Variants in CCDC146 observed in about 807,000 individuals in gnomAD.
CCDC146 encodes the protein coiled-coil domain containing 146.
In CCDC146, 92 loss-of-function variants were observed where a neutral mutation model predicts 119.3. That is an observed-to-expected ratio of 0.77 (90% confidence interval 0.65 to 0.92). CCDC146 has a LOEUF of 0.92. CCDC146 is among the 40% of genes least tolerant of loss of function. The probability of loss-of-function intolerance (pLI) is 0.00; values close to 1 mark genes in which losing one functional copy is unlikely to be tolerated. For missense variants in CCDC146, 1,000 were observed against 1,103.0 expected, an observed-to-expected ratio of 0.91 and a Z score of 1.32; for synonymous variants, 372 against 371.8, an observed-to-expected ratio of 1.00 and a Z score of -0.01.
Position 77,196,026 on chromosome 7 carries a change from T to G in CCDC146, c.156+28202T>G, listed in dbSNP as rs1791862279. Reference sequence around the variant, plus strand: ...AAGTTTCAATAGAAATTAAAAGAATTGTAAATCTAATGTATAATTCTCAAT... The same window carrying G: ...AAGTTTCAATAGAAATTAAAAGAATGGTAAATCTAATGTATAATTCTCAAT... On this transcript the variant is annotated intron_variant, in intron 2 of 18. Coordinates refer to ENST00000285871, the MANE Select transcript of CCDC146 (RefSeq NM_020879.3). The surrounding 1 kb of genome is among the most constrained non-coding windows in gnomAD (Gnocchi z 4.2). 1 of 404,752 alleles carries G rather than the reference T, an allele frequency of 2.5e-6. No individual in the cohort carries two copies. The highest frequency in any genetic ancestry group is 4.0e-5 in the Admixed American group (1 of 24,694). The allele number at this position is 404,752 out of a possible 1,614,324, so 25.1% of individuals were successfully genotyped here.
chr7:77,236,927 C>A lies in CCDC146; in HGVS notation c.157-20C>A, dbSNP rs1792746884. 6.3e-7 allele frequency: 1 copy of A among 1,583,544 alleles called. No homozygotes were observed. Among genetic ancestry groups the A allele is most frequent in the Non-Finnish European group, 8.7e-7 (1 of 1,152,244 alleles). On this transcript the variant is annotated intron_variant, in intron 2 of 18. Coordinates refer to ENST00000285871, the MANE Select transcript of CCDC146 (RefSeq NM_020879.3). ...TAAAGAGAATGGTGATTAACAGTGACCTTATGTTCTCTTTGCTAGTTACAT... is the reference window on the plus strand; with the variant it reads ...TAAAGAGAATGGTGATTAACAGTGAACTTATGTTCTCTTTGCTAGTTACAT...
intron 2 of CCDC146, among the ~76,000 whole-genome samples, chr7:77,236,251 A>G (rs951132270): frequency 6.6e-6 from 1 of 152,206 alleles, no homozygotes; most frequent in Non-Finnish European, 1.5e-5. Context: ...GATGTCTGTT[A>G]ACTAATTATC....
intron 1 of CCDC146, among the ~76,000 whole-genome samples, chr7:77,161,860 A>G (rs1791268148): frequency 1.4e-5 from 2 of 148,104 alleles, no homozygotes; most frequent in South Asian, 4.2e-4. Flanking sequence ...GTGAGGCGAC[A>G]TCTTATTGTG....
At chr7:77,206,654 T>A (rs1023899794) in intron 2 of CCDC146, among the ~76,000 whole-genome samples, 13 of 54,954 alleles carry the variant, frequency 2.4e-4, no homozygotes, top group African/African-American at 1.9e-3. Context: ...CATACATATA[T>A]ATATATATAT....
intron 4 of CCDC146, among the ~76,000 whole-genome samples, chr7:77,243,718 C>A (rs1322754758): frequency 6.6e-6 from 1 of 152,186 alleles, no homozygotes; most frequent in African/African-American, 2.4e-5. Context: ...TCAGGCAGGT[C>A]CTTCAGGAGG....
At chr7:77,202,246 T>C (rs543114628) in intron 2 of CCDC146, among the ~76,000 whole-genome samples, 2 of 152,366 alleles carry the variant, frequency 1.3e-5, no homozygotes, top group African/African-American at 4.8e-5. Context: ...CAAAAATCCC[T>C]TTTTCCTTCT....
At chr7:77,261,931 T>A (rs1793307519) in intron 8 of CCDC146, among the ~76,000 whole-genome samples, 190 bp from the exon 9 acceptor site, 1 of 152,258 alleles carries the variant, frequency 6.6e-6, no homozygotes, top group Non-Finnish European at 1.5e-5. Flanking sequence ...CTTTAGGATA[T>A]AACAGTTTAT....
intron 4 of CCDC146, chr7:77,246,497 G>A (rs1041712263): frequency 2.6e-5 from 4 of 152,124 alleles, no homozygotes; most frequent in African/African-American, 9.7e-5. Context: ...GCTGAAAAAT[G>A]TCAGATTTAA....
intron 2 of CCDC146, among the ~76,000 whole-genome samples, chr7:77,224,886 C>T (rs1223458992): frequency 6.6e-6 from 1 of 152,116 alleles, no homozygotes; most frequent in Admixed American, 6.5e-5. Flanking sequence ...TTATAGTGTA[C>T]TGGCAGTCTG....
chr7:77,274,539 A>C lies in CCDC146; in HGVS notation c.1327A>C (p.Lys443Gln), dbSNP rs780372624. The change falls in exon 11 of 19, where the codon AAG becomes CAG. Residue 443 changes from lysine (K) to glutamine (Q), a missense_variant. Around this residue, in one of 2 missense-constraint regions of CCDC146, gnomAD observed 985 missense variants for 1,045.3 expected, o/e 0.94. Transcript: ENST00000285871. ...AGAACAACAACTTGCAGAAGAAAAC[A>C]AGCTTTTAAAGGAGCAAGAAAACAT... ...LVEQQLAEEN[K>Q]LLKEQENMKE... 1.2e-6 allele frequency: 2 copies of C among 1,611,392 alleles called. No individual in the cohort carries two copies. Among genetic ancestry groups the C allele is most frequent in the African/African-American group, 1.3e-5 (1 of 74,804 alleles).
In CCDC146 at chr7:77,178,946, A is replaced by G. The variant is rs190787906; in HGVS notation, c.156+11122A>G. ...ACCTTTTTCAACAAAAAATGTATTA[A>G]TATATAGGTAGAGAGAGGGTACTGT... On this transcript the variant is annotated intron_variant, in intron 2 of 18. Transcript: ENST00000285871. 4.3e-4 allele frequency among the ~76,000 whole-genome samples: 66 copies of G among 152,294 alleles called. No individual in the cohort carries two copies. In the Middle Eastern group the frequency reaches 0.01, roughly 24 times the overall value.
At position 77,243,048 on chromosome 7, in the gene CCDC146, T is replaced by A. The variant is rs529699768; in HGVS notation, c.449+1148T>A. 2.0e-5 allele frequency among the ~76,000 whole-genome samples: 3 copies of A among 152,358 alleles called. No homozygotes were observed. The East Asian group carries it at 5.8e-4, about 29-fold the overall frequency. ...CCCAGTTATTTCTGTGCTCTGTAAG[T>A]GCTCTTTCAGTTGAGAAAATAATGA... On this transcript the variant is annotated intron_variant, in intron 4 of 18. Transcript: ENST00000285871.
intron 17 of CCDC146, among the ~76,000 whole-genome samples, chr7:77,292,301 ATTTTTTTTTT>A (rs35258178): frequency 1.5e-5 from 2 of 132,664 alleles, no homozygotes; most frequent in African/African-American, 5.7e-5. Context: ...CTTTATTTTA[ATTTTTTTTTT>A]TTTTTTTTTA....
chr7:77,176,921 T>C (rs1208459468), intron 2 of CCDC146, among the ~76,000 whole-genome samples: 1 of 152,106 alleles, frequency 6.6e-6, no homozygotes, highest in East Asian at 1.9e-4. Flanking sequence ...CTGCAACTTC[T>C]ACCTTCTGGG....
Position 77,137,020 on chromosome 7 carries a change from A to G in CCDC146, c.-12+14288A>G, listed in dbSNP as rs548046067. 3.3e-5 allele frequency among the ~76,000 whole-genome samples: 5 copies of G among 152,342 alleles called. No individual in the cohort carries two copies. In the East Asian group the frequency reaches 7.7e-4, roughly 23 times the overall value. On this transcript the variant is annotated intron_variant, in intron 1 of 18. Transcript: ENST00000285871. ...AAAAATCATGTGACCATATCAATAG[A>G]TGCAGAAAAATTATTTGACAAAATG...
In CCDC146 at chr7:77,287,476, C is replaced by T; in HGVS notation, c.2314C>T (p.Leu772=). The T allele has an allele frequency of 6.2e-7, 1 of 1,614,058 alleles. No homozygotes were observed. The highest frequency in any genetic ancestry group is 1.3e-5 in the African/African-American group (1 of 75,014). ...ACTGGCCAAGAAGGAGGAGAAGCTG[C>T]TGGAGAAGGATTTCATCTATGAGCA... ...LQLAKKEEKL[L]EKDFIYEQVS... The change falls in exon 17 of 19, where the codon CTG becomes TTG. Residue 772 remains leucine (L), a synonymous_variant. Coordinates refer to ENST00000285871, the MANE Select transcript of CCDC146 (RefSeq NM_020879.3).
At chr7:77,278,506 T>C (rs539472842) in intron 11 of CCDC146, among the ~76,000 whole-genome samples, 71 of 143,254 alleles carry the variant, frequency 5.0e-4, no homozygotes, top group African/African-American at 1.7e-3. Flanking sequence ...AGCGGAGTGA[T>C]GCAATCATGG....
rs368247535 is a variant in CCDC146, at chr7:77,281,113, C to CAAAA, written c.1919+470_1919+473dup. The stretch of plus-strand genomic sequence containing the variant: ...GCAAGACTCCGTCTCCAAAAACAAA[C>CAAAA]AAAAAAAAAAAAAGAGAGAAAGAAA... On this transcript the variant is annotated intron_variant, in intron 14 of 18. Coordinates refer to ENST00000285871, the MANE Select transcript of CCDC146 (RefSeq NM_020879.3). 2.0e-3 allele frequency among the ~76,000 whole-genome samples: 261 copies of CAAAA among 131,698 alleles called. 2 individuals carry two copies. Among genetic ancestry groups the CAAAA allele is most frequent in the African/African-American group, 5.0e-3 (189 of 37,958 alleles). 86.4% of individuals were successfully genotyped at this position (131,698 alleles called of 152,430 possible). A position where few individuals can be genotyped will look rare whatever the true frequency, so the allele number is the denominator to read the frequency against.
At chr7:77,180,094 A>T (rs1791561033) in intron 2 of CCDC146, among the ~76,000 whole-genome samples, 1 of 152,050 alleles carries the variant, frequency 6.6e-6, no homozygotes, top group East Asian at 1.9e-4. Context: ...TATACCATAT[A>T]TATGCACCCA....
Sources: allele counts gnomAD v4.1 joint callset (sites outside exome capture counted in the v4.1 genomes callset), GRCh38; gene constraint gnomAD v4.1.1; regional missense constraint gnomAD v4.1.1; non-coding constraint Gnocchi (gnomAD v3.1); transcripts MANE v1.5; gene names NCBI Gene and HGNC (gene_info 2026-07-23, HGNC 2026-07-21).